SNX29: variants seen among roughly 807,000 people sequenced by gnomAD.
The protein encoded by SNX29 is sorting nexin 29.
A neutral mutation model predicts 102.1 loss-of-function variants in SNX29; 78 were observed. That is an observed-to-expected ratio of 0.76 (90% CI 0.64 to 0.92). SNX29 has a LOEUF of 0.92. Among genes scored for constraint, SNX29 ranks in the 40% least tolerant of loss-of-function variants. The pLI is 0.00. For synonymous variants in SNX29, 580 were observed against 414.5 expected, an observed-to-expected ratio of 1.40 and a Z score of -4.85; for missense variants, 1,280 against 1,061.7, an observed-to-expected ratio of 1.21 and a Z score of -2.86.
intron 20 of SNX29, among the ~76,000 whole-genome samples, chr16:12,561,316 G>A (rs1280797238): frequency 6.6e-6 from 1 of 152,106 alleles, no homozygotes; most frequent in African/African-American, 2.4e-5. Context: ...CATCCTGGAG[G>A]CAGAACTGGG....
intron 14 of SNX29, among the ~76,000 whole-genome samples, chr16:12,211,155 G>C (rs2077173254): frequency 1.3e-5 from 2 of 152,112 alleles, no homozygotes; most frequent in African/African-American, 4.8e-5. Flanking sequence ...CATTCATTCA[G>C]CCAACATTGA....
At chr16:12,537,449 C>G (rs759018240) in intron 20 of SNX29, among the ~76,000 whole-genome samples, 10 of 152,044 alleles carry the variant, frequency 6.6e-5, no homozygotes, top group African/African-American at 2.2e-4. Flanking sequence ...TTGTGAACTT[C>G]ACCTCTGCCT....
chr16:12,005,535 C>T (rs181918562), intron 3 of SNX29, among the ~76,000 whole-genome samples: 18 of 152,100 alleles, frequency 1.2e-4, no homozygotes, highest in East Asian at 9.6e-4. Context: ...CCTTCCTGGC[C>T]GGGTTGGTTT....
chr16:12,206,938 TA>T, intron 14 of SNX29, among the ~76,000 whole-genome samples: 1 of 150,634 alleles, frequency 6.6e-6, no homozygotes, highest in Admixed American at 6.7e-5. Context: ...GGTCAGCAAA[TA>T]TGCTACAAAT....
chr16:12,481,439 TACACAC>T (rs1304603431), intron 19 of SNX29, among the ~76,000 whole-genome samples: 2 of 134,604 alleles, frequency 1.5e-5, no homozygotes, highest in African/African-American at 5.9e-5. Flanking sequence ...TACACATATA[TACACAC>T]ACATATATAC....
At chr16:12,550,645 C>T (rs752827733) in intron 20 of SNX29, among the ~76,000 whole-genome samples, 5 of 152,046 alleles carry the variant, frequency 3.3e-5, no homozygotes, top group South Asian at 2.1e-4. Context: ...AAAAAGTAAC[C>T]GTCACTTAGT....
At chr16:12,555,115 AGTATCAAAAGGC>A (rs2078247096) in intron 20 of SNX29, among the ~76,000 whole-genome samples, 2 of 119,926 alleles carry the variant, frequency 1.7e-5, no homozygotes, top group East Asian at 3.9e-4. Context: ...ACAATCTCAG[AGTATCAAAAGGC>A]TTATTCTCAG....
intron 18 of SNX29, among the ~76,000 whole-genome samples, chr16:12,476,886 A>G (rs1468984979): frequency 6.6e-6 from 1 of 152,184 alleles, no homozygotes; most frequent in Non-Finnish European, 1.5e-5. Context: ...TAGAGGTTTT[A>G]AAGATGTGTA....
chr16:12,286,862 T>C (rs2151045209), intron 15 of SNX29, among the ~76,000 whole-genome samples: 1 of 152,264 alleles, frequency 6.6e-6, no homozygotes, highest in South Asian at 2.1e-4. Context: ...CCTGAGTATT[T>C]CAGAATCTAT....
intron 20 of SNX29, among the ~76,000 whole-genome samples, chr16:12,550,417 C>T (rs974920159): frequency 1.1e-4 from 17 of 151,986 alleles, no homozygotes; most frequent in African/African-American, 3.9e-4. Flanking sequence ...CGCCTGTACT[C>T]CCACCTACTT....
chr16:12,412,487 C>T (rs941124552), intron 18 of SNX29, among the ~76,000 whole-genome samples: 2 of 152,166 alleles, frequency 1.3e-5, no homozygotes, highest in South Asian at 2.1e-4. Context: ...ATACTGGTGA[C>T]AAGGTAATAT....
intron 18 of SNX29, among the ~76,000 whole-genome samples, chr16:12,413,770 C>T (rs2084506220): frequency 6.6e-6 from 1 of 152,226 alleles, no homozygotes; most frequent in Non-Finnish European, 1.5e-5. Flanking sequence ...CCTGCATCAG[C>T]CTGTGGCTTT....
chr16:12,534,793 C>T (rs2077027139), intron 20 of SNX29, among the ~76,000 whole-genome samples: 1 of 152,158 alleles, frequency 6.6e-6, no homozygotes. Context: ...TAACTAAGGG[C>T]AATTTTGCCT....
intron 3 of SNX29, among the ~76,000 whole-genome samples, chr16:12,009,443 A>G (rs75224803): frequency 0.013 from 1,938 of 146,214 alleles, 28 homozygotes; most frequent in African/African-American, 0.046. Context: ...ATATTTTTAT[A>G]TGTGTGTGTG....
intron 5 of SNX29, among the ~76,000 whole-genome samples, chr16:12,045,767 G>A (rs2050063138): frequency 6.6e-6 from 1 of 151,898 alleles, no homozygotes; most frequent in South Asian, 2.1e-4. Context: ...GGGATTACAA[G>A]CGCCTGCCAC....
chr16:12,539,925 T>C (rs2077249745), intron 20 of SNX29, among the ~76,000 whole-genome samples: 2 of 152,186 alleles, frequency 1.3e-5, no homozygotes, highest in Non-Finnish European at 2.9e-5. Flanking sequence ...GGGAGTTCTT[T>C]GTATATGTTA....
intron 20 of SNX29, among the ~76,000 whole-genome samples, chr16:12,538,324 G>A (rs1448773161): frequency 6.6e-6 from 1 of 152,134 alleles, no homozygotes; most frequent in Non-Finnish European, 1.5e-5. Flanking sequence ...GTTTCACCAT[G>A]TTAGCCAGGA....
At chr16:12,015,283 C>T (rs2056809552) in intron 3 of SNX29, among the ~76,000 whole-genome samples, 1 of 151,910 alleles carries the variant, frequency 6.6e-6, no homozygotes, top group South Asian at 2.1e-4. Context: ...GTGTCTCACT[C>T]TGTCGCCAGA....
At chr16:12,559,867 G>C (rs2078616160) in intron 20 of SNX29, among the ~76,000 whole-genome samples, 1 of 152,102 alleles carries the variant, frequency 6.6e-6, no homozygotes, top group Non-Finnish European at 1.5e-5. Flanking sequence ...TAAAATACCA[G>C]ATTTCAGAGG....
Sources: allele counts gnomAD v4.1 joint callset (sites outside exome capture counted in the v4.1 genomes callset), GRCh38; gene constraint gnomAD v4.1.1; transcripts MANE v1.5; gene names NCBI Gene and HGNC (gene_info 2026-07-23, HGNC 2026-07-21).